Variants in TSPEAR observed in about 807,000 individuals in gnomAD.
TSPEAR encodes thrombospondin-type laminin G domain and EAR repeat-containing protein.
Under a neutral mutation model 71.6 loss-of-function variants are expected in TSPEAR, and 69 were observed. The observed-to-expected ratio is 0.96, with a 90% CI of 0.79 to 1.18. TSPEAR has a LOEUF of 1.18. Ranked by LOEUF, TSPEAR falls within the 50% of genes most tolerant of loss-of-function variation. The pLI, the probability that TSPEAR is intolerant of heterozygous loss-of-function variation, is 0.00. For missense variants in TSPEAR, 971 were observed against 894.9 expected, an observed-to-expected ratio of 1.09 and a Z score of -1.09; for synonymous variants, 402 against 387.2, an observed-to-expected ratio of 1.04 and a Z score of -0.45.
intron 1 of TSPEAR, among the ~76,000 whole-genome samples, chr21:44,669,252 G>A (rs1051475381): frequency 2.0e-5 from 3 of 151,994 alleles, no homozygotes; most frequent in South Asian, 2.1e-4. Context: ...GTGCAACCCC[G>A]CCTCTACTAA....
In TSPEAR at chr21:44,679,047, C is replaced by G. The variant is rs114757284; in HGVS notation, c.82+32386G>C. 6.3e-3 allele frequency among the ~76,000 whole-genome samples: 959 copies of G among 152,282 alleles called. 6 individuals carry two copies. The highest frequency in any genetic ancestry group is 0.022 in the African/African-American group (917 of 41,534). On this transcript the variant is annotated intron_variant, in intron 1 of 11. Coordinates refer to ENST00000323084, the MANE Select transcript of TSPEAR (RefSeq NM_144991.3). Reference sequence around the variant, plus strand: ...ATCCTACTTCAATTGGTCTACAGAGCCCTTCTAAATCACATATACCCTTTC... The same window carrying G: ...ATCCTACTTCAATTGGTCTACAGAGGCCTTCTAAATCACATATACCCTTTC...
chr21:44,680,276 G>C (rs1281038331), intron 1 of TSPEAR, among the ~76,000 whole-genome samples: 1 of 151,876 alleles, frequency 6.6e-6, no homozygotes, highest in Non-Finnish European at 1.5e-5. Flanking sequence ...ATGGCCAACA[G>C]GTATATTAAA....
intron 9 of TSPEAR, among the ~76,000 whole-genome samples, chr21:44,513,051 A>C (rs1329283654): frequency 6.6e-6 from 1 of 152,214 alleles, no homozygotes; most frequent in Non-Finnish European, 1.5e-5. Flanking sequence ...GTCTGTGTGT[A>C]TCCCATGTAA....
intron 9 of TSPEAR, chr21:44,519,774 G>C (rs587745400): frequency 6.6e-6 from 1 of 152,256 alleles, no homozygotes; most frequent in Non-Finnish European, 1.5e-5. Flanking sequence ...GCCCTCCACC[G>C]TTCTGAGCCT....
intron 1 of TSPEAR, among the ~76,000 whole-genome samples, chr21:44,689,712 A>AATATATATATATATATATATATATAT (rs71199618): frequency 1.4e-3 from 85 of 62,008 alleles, no homozygotes; most frequent in African/African-American, 6.2e-3. Context: ...GAATAGAATG[A>AATATATATATATATATATATATATAT]ATATATATAT....
At chr21:44,653,344 C>T (rs1266937339) in intron 1 of TSPEAR, among the ~76,000 whole-genome samples, 1 of 152,160 alleles carries the variant, frequency 6.6e-6, no homozygotes, top group Non-Finnish European at 1.5e-5. Context: ...TGACCTCCCG[C>T]CACCTGCATA....
At chr21:44,592,430 C>A in intron 1 of TSPEAR, 1 of 1,607,676 alleles carries the variant, frequency 6.2e-7, no homozygotes, top group South Asian at 1.1e-5. Flanking sequence ...GGAAGGCAGA[C>A]GCGGCTGCCG....
chr21:44,649,857 G>A (rs1215540356), intron 1 of TSPEAR, among the ~76,000 whole-genome samples: 3 of 152,178 alleles, frequency 2.0e-5, no homozygotes, highest in Admixed American at 1.3e-4. Context: ...GCCCACTGAC[G>A]CACAGAGGAA....
chr21:44,607,682 C>G (rs1486974036), intron 1 of TSPEAR, among the ~76,000 whole-genome samples: 1 of 152,098 alleles, frequency 6.6e-6, no homozygotes, highest in Non-Finnish European at 1.5e-5. Context: ...AAACATGACT[C>G]AGATTGAAAT....
chr21:44,511,097 A>C (rs2052358665), intron 9 of TSPEAR: 1 of 152,278 alleles, frequency 6.6e-6, no homozygotes, highest in Admixed American at 6.5e-5. Context: ...TGTTACACAC[A>C]GGCCAGTTCA....
chr21:44,530,224 C>T (rs1205803892), intron 4 of TSPEAR, among the ~76,000 whole-genome samples: 1 of 152,226 alleles, frequency 6.6e-6, no homozygotes, highest in Non-Finnish European at 1.5e-5. Flanking sequence ...TCTGCTCATC[C>T]AACAGCCCAT....
At chr21:44,704,581 T>G (rs2838651) in intron 1 of TSPEAR, among the ~76,000 whole-genome samples, 1 of 152,180 alleles carries the variant, frequency 6.6e-6, no homozygotes, top group African/African-American at 2.4e-5. Context: ...TTACCCAGAT[T>G]GTTCAACACC....
In TSPEAR at chr21:44,623,083, C is replaced by T. The variant is rs142616055; in HGVS notation, c.83-55078G>A. Among the ~76,000 whole-genome samples the T allele has an allele frequency of 2.1e-4, 32 of 152,308 alleles. No individual in the cohort carries two copies. Among genetic ancestry groups the T allele is most frequent in the African/African-American group, 5.8e-4 (24 of 41,562 alleles). On this transcript the variant is annotated intron_variant, in intron 1 of 11. Coordinates refer to ENST00000323084, the MANE Select transcript of TSPEAR (RefSeq NM_144991.3). The surrounding 1 kb of genome is among the most constrained non-coding windows in gnomAD (Gnocchi z 4.5). ...TCCCCAGAAGCTGAGCAGATGCCAGCGCCATGTTTCCTGTACAACCTGCAG... is the reference window on the plus strand; with the variant it reads ...TCCCCAGAAGCTGAGCAGATGCCAGTGCCATGTTTCCTGTACAACCTGCAG...
chr21:44,554,414 GAGA>G lies in TSPEAR; in HGVS notation c.303+13368_303+13370del, dbSNP rs370507133. Among the ~76,000 whole-genome samples the G allele has an allele frequency of 3.5e-3, 528 of 152,316 alleles. 2 individuals are homozygous for G. Among genetic ancestry groups the G allele is most frequent in the African/African-American group, 0.012 (508 of 41,562 alleles). Reference sequence around the variant, plus strand: ...ATAGCAGCCCCAACTGACTGTGACAGAGAAGAAGCAAAGACAAGAGTTCCAGAA... The same window carrying G: ...ATAGCAGCCCCAACTGACTGTGACAGAGAAGCAAAGACAAGAGTTCCAGAA... On this transcript the variant is annotated intron_variant, in intron 2 of 11. Coordinates refer to ENST00000323084, the MANE Select transcript of TSPEAR (RefSeq NM_144991.3).
At chr21:44,521,279 TCA>T (rs1223582296) in intron 9 of TSPEAR, among the ~76,000 whole-genome samples, 2 of 152,148 alleles carry the variant, frequency 1.3e-5, no homozygotes, top group East Asian at 3.9e-4. Flanking sequence ...TCTGCTCCGG[TCA>T]CAGTCCTCAG....
chr21:44,514,218 A>C (rs2052485540), intron 9 of TSPEAR, among the ~76,000 whole-genome samples: 1 of 152,212 alleles, frequency 6.6e-6, no homozygotes, highest in Non-Finnish European at 1.5e-5. Flanking sequence ...AGACTCAGAC[A>C]CAGCCAGGCC....
intron 1 of TSPEAR, chr21:44,681,538 G>C (rs538196684): frequency 2.4e-6 from 1 of 416,698 alleles, no homozygotes; most frequent in South Asian, 5.7e-5. Flanking sequence ...AGATAGCGGG[G>C]AGTATAGAAA....
chr21:44,699,717 G>A (rs1461393888), intron 1 of TSPEAR, among the ~76,000 whole-genome samples: 1 of 152,086 alleles, frequency 6.6e-6, no homozygotes, highest in East Asian at 1.9e-4. Flanking sequence ...CTCTATGTGC[G>A]TTCTCTCCCT....
intron 1 of TSPEAR, among the ~76,000 whole-genome samples, chr21:44,672,501 C>T (rs1237751018): frequency 1.3e-5 from 2 of 152,082 alleles, no homozygotes; most frequent in East Asian, 1.9e-4. Context: ...ACCTGGGAGG[C>T]GGAGCTTGCA....
Sources: allele counts gnomAD v4.1 joint callset (sites outside exome capture counted in the v4.1 genomes callset), GRCh38; gene constraint gnomAD v4.1.1; non-coding constraint Gnocchi (gnomAD v3.1); transcripts MANE v1.5; gene names NCBI Gene and HGNC (gene_info 2026-07-23, HGNC 2026-07-21).